The following AOPEP variants were observed in gnomAD, a reference collection of about 807,000 sequenced individuals.
The protein encoded by AOPEP is aminopeptidase O.
Under a neutral mutation model 98.1 loss-of-function variants are expected in AOPEP, and 77 were observed. The observed-to-expected ratio is 0.78, with a 90% CI of 0.65 to 0.95. The LOEUF (loss-of-function observed/expected upper bound fraction) is 0.95, where lower values mean the gene tolerates loss of function less well. Ranked by LOEUF, AOPEP falls within the 40% of genes least tolerant of loss-of-function variation. AOPEP has a pLI of 0.00. For synonymous variants in AOPEP, 346 were observed against 365.3 expected (o/e 0.95, Z 0.60); for missense variants, 1,024 against 1,024.7 (o/e 1.00, Z 0.01).
At chr9:94,757,405 C>CGTA (rs1837303022) in intron 1 of AOPEP, among the ~76,000 whole-genome samples, 1 of 152,186 alleles carries the variant, frequency 6.6e-6, no homozygotes, top group Non-Finnish European at 1.5e-5. Flanking sequence ...ACACATACCA[C>CGTA]GTAGTACACT....
chr9:94,916,707 A>AATT (rs1195111282), intron 5 of AOPEP, among the ~76,000 whole-genome samples: 1 of 147,184 alleles, frequency 6.8e-6, no homozygotes, highest in East Asian at 1.9e-4. Flanking sequence ...AAAAAAAAAA[A>AATT]AATTAAATAA....
the AOPEP span, among the ~76,000 whole-genome samples, chr9:95,106,075 G>C: frequency 1.3e-4 from 20 of 152,214 alleles, no homozygotes; most frequent in African/African-American, 4.3e-4. Flanking sequence ...CGACGTTAAT[G>C]TCCCCACCGG....
chr9:95,128,997 G>A, the AOPEP span, among the ~76,000 whole-genome samples: 3 of 151,896 alleles, frequency 2.0e-5, no homozygotes, highest in Admixed American at 6.6e-5. Flanking sequence ...CCAACTCCTG[G>A]GTTCAAAAGA....
the AOPEP span, among the ~76,000 whole-genome samples, chr9:95,116,471 T>C: frequency 1.3e-5 from 2 of 152,290 alleles, no homozygotes; most frequent in Non-Finnish European, 2.9e-5. Context: ...ATCATTTGCA[T>C]TTCTCAAACA....
At chr9:94,821,489 T>G (rs953106347) in intron 5 of AOPEP, among the ~76,000 whole-genome samples, 1 of 152,218 alleles carries the variant, frequency 6.6e-6, no homozygotes, top group Non-Finnish European at 1.5e-5. Context: ...AGGCCAAGCA[T>G]GATTTGAATA....
chr9:94,807,637 C>A (rs1033028226), intron 5 of AOPEP, among the ~76,000 whole-genome samples: 2 of 152,198 alleles, frequency 1.3e-5, no homozygotes, highest in African/African-American at 4.8e-5. Flanking sequence ...CTGAATAGAA[C>A]ATACACACTC....
intron 7 of AOPEP, among the ~76,000 whole-genome samples, chr9:94,951,363 C>G (rs927328145): frequency 1.7e-4 from 26 of 151,966 alleles, no homozygotes; most frequent in African/African-American, 5.3e-4. Context: ...CTTGGGGGGG[C>G]CCCAGAGTGT....
chr9:94,993,947 G>A (rs965576932), intron 11 of AOPEP, among the ~76,000 whole-genome samples: 2 of 152,106 alleles, frequency 1.3e-5, no homozygotes, highest in Non-Finnish European at 2.9e-5. Context: ...TCCCTGGGAC[G>A]CAGAAGCTGC....
chr9:94,894,599 G>A (rs911462801), intron 5 of AOPEP, among the ~76,000 whole-genome samples: 12 of 152,162 alleles, frequency 7.9e-5, no homozygotes, highest in African/African-American at 2.9e-4. Flanking sequence ...GACCCACAGA[G>A]TTTCTTTCAT....
At chr9:94,826,220 C>T (rs1046411902) in intron 5 of AOPEP, among the ~76,000 whole-genome samples, 3 of 152,320 alleles carry the variant, frequency 2.0e-5, no homozygotes, top group South Asian at 2.1e-4. Context: ...GTTTCGTCCG[C>T]GGGCTTCAAG....
At chr9:94,993,756 C>G (rs12684766) in intron 11 of AOPEP, among the ~76,000 whole-genome samples, 1 of 152,146 alleles carries the variant, frequency 6.6e-6, no homozygotes, top group African/African-American at 2.4e-5. Flanking sequence ...TGCAATATGA[C>G]ATTATTTATG....
rs1188223866 is a variant in AOPEP at position 94,856,915 on chromosome 9, G to A, written c.1364+55913G>A. On this transcript the variant is annotated intron_variant, in intron 5 of 16. Coordinates refer to ENST00000375315, the MANE Select transcript of AOPEP (RefSeq NM_001193329.3). The stretch of plus-strand genomic sequence containing the variant: ...ACAGTACTAGAAGAGGGTCTAAAAG[G>A]CCCAAATTTGGATCACAGCTTGGCC... Among the ~76,000 whole-genome samples, 6 of 152,188 alleles carry A rather than the reference G, an allele frequency of 3.9e-5. No homozygotes were observed. The East Asian group carries it at 1.2e-3, about 29-fold the overall frequency.
At position 95,064,150 on chromosome 9, in the gene AOPEP, C is replaced by T. The variant is rs367776393; in HGVS notation, c.2232+3340C>T. The stretch of plus-strand genomic sequence containing the variant: ...GGGCATACCTGTTTCAGCACTCATC[C>T]GGCTGCCTTCCAGGATAGAAAGGAA... On this transcript the variant is annotated intron_variant, in intron 14 of 16. Coordinates refer to ENST00000375315, the MANE Select transcript of AOPEP (RefSeq NM_001193329.3). Among the ~76,000 whole-genome samples, 6 of 152,132 alleles carry T rather than the reference C, an allele frequency of 3.9e-5. No individual in the cohort carries two copies. The South Asian group carries it at 8.3e-4, about 21-fold the overall frequency.
chr9:94,950,411 G>A (rs930677664), intron 7 of AOPEP, among the ~76,000 whole-genome samples: 12 of 152,104 alleles, frequency 7.9e-5, no homozygotes, highest in Admixed American at 2.6e-4. Context: ...TGAGGGAGCC[G>A]GACTGCATGG....
chr9:94,746,239 A>G (rs1167406900), intron 1 of AOPEP, among the ~76,000 whole-genome samples: 3 of 152,104 alleles, frequency 2.0e-5, no homozygotes, highest in African/African-American at 7.2e-5. Context: ...TGTGACATTG[A>G]TATAAGGTAT....
At chr9:94,729,576 T>TAAAA (rs57495134) in intron 1 of AOPEP, among the ~76,000 whole-genome samples, 6 of 140,706 alleles carry the variant, frequency 4.3e-5, no homozygotes, top group African/African-American at 1.6e-4. Flanking sequence ...ACACTGTCTT[T>TAAAA]AAAAAAAAAA....
At chr9:95,150,055 C>T in the AOPEP span, 125 of 1,613,894 alleles carry the variant, frequency 7.7e-5, no homozygotes, top group Non-Finnish European at 9.9e-5. Context: ...GACACAAACT[C>T]GTGACAGGGA....
intron 2 of AOPEP, among the ~76,000 whole-genome samples, chr9:94,770,165 A>T (rs1279037535): frequency 6.6e-6 from 1 of 152,220 alleles, no homozygotes; most frequent in Non-Finnish European, 1.5e-5. Context: ...GCTTATGTAA[A>T]GCCCTTTATA....
chr9:94,937,255 A>G (rs577259636), intron 7 of AOPEP, among the ~76,000 whole-genome samples: 2 of 152,180 alleles, frequency 1.3e-5, no homozygotes, highest in Non-Finnish European at 2.9e-5. Context: ...GATCCAGAGG[A>G]TTTTAGAAAT....
Sources: gnomAD v4.1 joint callset for allele counts (sites outside exome capture counted in the v4.1 genomes callset) on GRCh38, gnomAD v4.1.1 for gene constraint, MANE v1.5 for transcripts, NCBI Gene and HGNC (gene_info 2026-07-23, HGNC 2026-07-21) for gene names.